Variants in SNX9 observed in about 807,000 individuals in gnomAD.
SNX9 encodes sorting nexin 9, also known as sorting nexin-9.
SNX9 carries 44 observed loss-of-function variants against 89.4 expected under a neutral mutation model. That is an observed-to-expected ratio of 0.49 (90% CI 0.39 to 0.63). The LOEUF (loss-of-function observed/expected upper bound fraction) is 0.63, where lower values mean the gene tolerates loss of function less well. Ranked by LOEUF, SNX9 falls within the 30% of genes least tolerant of loss-of-function variation. The pLI, the probability that SNX9 is intolerant of heterozygous loss-of-function variation, is 0.00. For synonymous variants in SNX9, 236 were observed against 247.8 expected, an observed-to-expected ratio of 0.95 and a Z score of 0.45; for missense variants, 578 against 736.1, an observed-to-expected ratio of 0.79 and a Z score of 2.49.
intron 1 of SNX9, among the ~76,000 whole-genome samples, chr6:157,862,778 A>C (rs1583204857): frequency 6.6e-6 from 1 of 152,246 alleles, no homozygotes; most frequent in East Asian, 1.9e-4. Flanking sequence ...CTTAATAAAT[A>C]CAGGTAGTTC....
chr6:157,861,907 G>A (rs936835031), intron 1 of SNX9, among the ~76,000 whole-genome samples: 1 of 152,152 alleles, frequency 6.6e-6, no homozygotes, highest in Admixed American at 6.5e-5. Context: ...ACCTGAAGAT[G>A]AGCACTGCCA....
intron 4 of SNX9, among the ~76,000 whole-genome samples, chr6:157,890,191 G>A (rs1481649995): frequency 6.6e-6 from 1 of 152,080 alleles, no homozygotes; most frequent in Non-Finnish European, 1.5e-5. Context: ...ATCCCATATT[G>A]TATATTTGTA....
intron 4 of SNX9, among the ~76,000 whole-genome samples, chr6:157,885,835 T>G (rs1366271906): frequency 6.6e-6 from 1 of 152,234 alleles, no homozygotes; most frequent in Non-Finnish European, 1.5e-5. Context: ...TGACCTGAAG[T>G]GGACGTTTGG....
At chr6:157,918,837 T>G (rs1050404576) in intron 9 of SNX9, among the ~76,000 whole-genome samples, 1 of 152,110 alleles carries the variant, frequency 6.6e-6, no homozygotes, top group Non-Finnish European at 1.5e-5. Context: ...TTAATTCCAG[T>G]AAAATAAAGA....
chr6:157,941,481 C>T (rs1395308963), intron 17 of SNX9, among the ~76,000 whole-genome samples: 1 of 152,178 alleles, frequency 6.6e-6, no homozygotes, highest in South Asian at 2.1e-4. Flanking sequence ...AAAACAATAA[C>T]GAAAACTTAA....
chr6:157,868,941 T>C (rs1379117597), intron 2 of SNX9, among the ~76,000 whole-genome samples: 1 of 152,222 alleles, frequency 6.6e-6, no homozygotes, highest in Non-Finnish European at 1.5e-5. Context: ...GCAACGTGTC[T>C]CTTCTGTGTC....
chr6:157,921,770 TC>T, intron 10 of SNX9, 109 bp downstream of exon 10: 1 of 1,254,168 alleles, frequency 8.0e-7, no homozygotes, highest in Non-Finnish European at 1.1e-6. Flanking sequence ...ATTTCTCACT[TC>T]CTCCAGTGAC....
chr6:157,840,415 CTTTCT>C (rs1440383815), intron 1 of SNX9, among the ~76,000 whole-genome samples: 3 of 143,528 alleles, frequency 2.1e-5, no homozygotes, highest in Admixed American at 6.7e-5. Flanking sequence ...TACTTTCTTT[CTTTCT>C]TTTCTTTCTT....
At chr6:157,914,710 T>C (rs931291558) in intron 9 of SNX9, among the ~76,000 whole-genome samples, 1 of 152,102 alleles carries the variant, frequency 6.6e-6, no homozygotes, top group Non-Finnish European at 1.5e-5. Flanking sequence ...AGTCCTGAGC[T>C]CAAGCGGTCC....
At chr6:157,855,460 A>G (rs1197050266) in intron 1 of SNX9, among the ~76,000 whole-genome samples, 2 of 152,210 alleles carry the variant, frequency 1.3e-5, no homozygotes, top group Non-Finnish European at 2.9e-5. Flanking sequence ...GGCATTACCA[A>G]ATTGCCTCTT....
At chr6:157,921,905 G>A (rs1198704347) in intron 10 of SNX9, among the ~76,000 whole-genome samples, 1 of 152,198 alleles carries the variant, frequency 6.6e-6, no homozygotes, top group Non-Finnish European at 1.5e-5. Flanking sequence ...CAGGGGCAGG[G>A]TGAGGGATGT....
At chr6:157,935,610 C>G (rs1388491059) in intron 13 of SNX9, among the ~76,000 whole-genome samples, 1 of 152,192 alleles carries the variant, frequency 6.6e-6, no homozygotes, top group African/African-American at 2.4e-5. Flanking sequence ...CATCCTGATT[C>G]AAGCAGCCAG....
In SNX9 at chr6:157,912,737, C is replaced by T. The variant is rs1783377492; in HGVS notation, c.949+2712C>T. On this transcript the variant is annotated intron_variant, in intron 9 of 17. Transcript: ENST00000392185. ...ATGAAAAAATGTACAGTTAACATTT[C>T]TTTATTTGTTTAGAGATTTTTGTTT... 3.9e-5 allele frequency among the ~76,000 whole-genome samples: 6 copies of T among 152,084 alleles called. No homozygotes were observed. In the South Asian group the frequency reaches 1.2e-3, roughly 32 times the overall value.
chr6:157,826,834 A>T (rs1221987036), intron 1 of SNX9, among the ~76,000 whole-genome samples: 1 of 113,400 alleles, frequency 8.8e-6, no homozygotes, highest in Non-Finnish European at 1.6e-5. Context: ...TATATTTTAT[A>T]TATATATTAT....
chr6:157,858,172 A>C (rs1782049341), intron 1 of SNX9, among the ~76,000 whole-genome samples: 1 of 152,074 alleles, frequency 6.6e-6, no homozygotes. Flanking sequence ...TGCCTATGTT[A>C]GTATCACATA....
intron 3 of SNX9, among the ~76,000 whole-genome samples, chr6:157,873,911 C>T (rs1377649793): frequency 1.3e-5 from 2 of 152,148 alleles, no homozygotes; most frequent in Admixed American, 1.3e-4. Context: ...GCTGAGCCAA[C>T]CACCTGGCGC....
At chr6:157,842,940 G>A (rs903367856) in intron 1 of SNX9, among the ~76,000 whole-genome samples, 3 of 152,106 alleles carry the variant, frequency 2.0e-5, no homozygotes, top group African/African-American at 4.8e-5. Flanking sequence ...TTCAGGAAAG[G>A]GCTGTTACCA....
chr6:157,841,010 TC>T (rs1340333395), intron 1 of SNX9, among the ~76,000 whole-genome samples: 1 of 152,170 alleles, frequency 6.6e-6, no homozygotes, highest in African/African-American at 2.4e-5. Flanking sequence ...GCATTTCTCT[TC>T]CGATGAGGGT....
At chr6:157,883,322 T>C (rs1057239301) in intron 4 of SNX9, among the ~76,000 whole-genome samples, 3 of 152,246 alleles carry the variant, frequency 2.0e-5, no homozygotes, top group Non-Finnish European at 4.4e-5. Flanking sequence ...TGACTCACTT[T>C]AACGTGATGG....
Sources: allele counts gnomAD v4.1 joint callset (sites outside exome capture counted in the v4.1 genomes callset), GRCh38; gene constraint gnomAD v4.1.1; transcripts MANE v1.5; gene names NCBI Gene and HGNC (gene_info 2026-07-23, HGNC 2026-07-21).